ROBO2: variants seen among roughly 807,000 people sequenced by gnomAD.
ROBO2 encodes roundabout guidance receptor 2.
A neutral mutation model predicts 160.8 loss-of-function variants in ROBO2; 53 were observed. The observed-to-expected ratio is 0.33, with a 90% CI of 0.26 to 0.41. The LOEUF (loss-of-function observed/expected upper bound fraction) is 0.41. Ranked by LOEUF, ROBO2 falls within the 10% of genes least tolerant of loss-of-function variation. The probability of loss-of-function intolerance (pLI) is 1.00; values close to 1 mark genes in which losing one functional copy is unlikely to be tolerated. For missense variants in ROBO2, 1,577 were observed against 1,722.4 expected (o/e 0.92, Z 1.49); for synonymous variants, 664 against 611.7 (o/e 1.09, Z -1.26).
At chr3:76,563,553 T>C (rs1310331517) in intron 2 of ROBO2, among the ~76,000 whole-genome samples, 1 of 152,214 alleles carries the variant, frequency 6.6e-6, no homozygotes, top group African/African-American at 2.4e-5. Context: ...AAATAATTAG[T>C]TTGAATTCCC....
At position 75,917,107 on chromosome 3, in the gene ROBO2, A is replaced by G. The variant is rs144245977; in HGVS notation, c.-14+10147A>G. 5.2e-3 allele frequency among the ~76,000 whole-genome samples: 794 copies of G among 152,114 alleles called. 9 individuals carry two copies. The highest frequency in any genetic ancestry group is 0.019 in the African/African-American group (771 of 41,504). On this transcript the variant is annotated intron_variant, in intron 1 of 26. Transcript: ENST00000487694. ...ACATAGGTATACATGTACCATGGTA[A>G]TTTGCTGCACCTATCAACCCGTTAT...
intron 2 of ROBO2, among the ~76,000 whole-genome samples, chr3:77,281,892 C>T (rs1222538766): frequency 2.6e-5 from 4 of 152,122 alleles, no homozygotes; most frequent in East Asian, 3.9e-4. Context: ...AATCTAATGC[C>T]GCTGCTGATC....
chr3:76,206,244 T>G (rs1702800249), intron 2 of ROBO2, among the ~76,000 whole-genome samples: 1 of 150,958 alleles, frequency 6.6e-6, no homozygotes, highest in Admixed American at 6.7e-5. Context: ...TGCCTTACAT[T>G]ACTGTCTGAG....
chr3:76,685,131 T>C (rs929631514), intron 2 of ROBO2, among the ~76,000 whole-genome samples: 3 of 151,346 alleles, frequency 2.0e-5, no homozygotes, highest in African/African-American at 7.3e-5. Flanking sequence ...CTTGAAATCA[T>C]AGACCACCCA....
At chr3:77,118,959 A>G (rs2074469230) in intron 2 of ROBO2, among the ~76,000 whole-genome samples, 1 of 152,122 alleles carries the variant, frequency 6.6e-6, no homozygotes, top group African/African-American at 2.4e-5. Flanking sequence ...CCCAAATCTC[A>G]TCTTGAGTTG....
At chr3:77,444,813 G>A (rs1248681173) in intron 2 of ROBO2, among the ~76,000 whole-genome samples, 2 of 152,148 alleles carry the variant, frequency 1.3e-5, no homozygotes, top group Middle Eastern at 3.2e-3. Context: ...GAAAAGGGCA[G>A]GGATTTCATA....
chr3:76,768,160 T>C (rs1390815066), intron 2 of ROBO2, among the ~76,000 whole-genome samples: 1 of 151,470 alleles, frequency 6.6e-6, no homozygotes, highest in Non-Finnish European at 1.5e-5. Flanking sequence ...TGTTTATGTG[T>C]TTTTTTAATG....
intron 1 of ROBO2, among the ~76,000 whole-genome samples, chr3:77,048,490 G>A (rs1447894747): frequency 6.6e-6 from 1 of 152,166 alleles, no homozygotes; most frequent in East Asian, 1.9e-4. Context: ...CCATGCTTGT[G>A]TAAGCCTGCA....
At chr3:76,436,825 T>C (rs2076704677) in intron 2 of ROBO2, among the ~76,000 whole-genome samples, 1 of 152,156 alleles carries the variant, frequency 6.6e-6, no homozygotes, top group Non-Finnish European at 1.5e-5. Flanking sequence ...GGAAGGTAAC[T>C]TTAGCTTGAC....
chr3:77,105,693 T>G (rs2150134760), intron 2 of ROBO2, among the ~76,000 whole-genome samples: 1 of 152,336 alleles, frequency 6.6e-6, no homozygotes. Flanking sequence ...TTGATTGAAT[T>G]AACTGTATTC....
At chr3:76,045,884 T>A (rs184376309) in intron 2 of ROBO2, among the ~76,000 whole-genome samples, 1 of 152,096 alleles carries the variant, frequency 6.6e-6, no homozygotes, top group African/African-American at 2.4e-5. Flanking sequence ...TTATTTTTAT[T>A]TTTATTTTTT....
intron 2 of ROBO2, among the ~76,000 whole-genome samples, chr3:76,710,937 A>G (rs1274710805): frequency 1.3e-5 from 2 of 152,238 alleles, no homozygotes; most frequent in African/African-American, 4.8e-5. Context: ...TCATTTATCA[A>G]TAATCTTTTA....
chr3:77,428,916 GT>G (rs1346399292), intron 2 of ROBO2, among the ~76,000 whole-genome samples: 1 of 152,060 alleles, frequency 6.6e-6, no homozygotes, highest in African/African-American at 2.4e-5. Context: ...AACTCATAGA[GT>G]TTGAGTTTTT....
chr3:76,143,838 C>T (rs1250521921), intron 2 of ROBO2, among the ~76,000 whole-genome samples: 2 of 152,046 alleles, frequency 1.3e-5, no homozygotes, highest in African/African-American at 4.8e-5. Flanking sequence ...TGGTACAGTT[C>T]CCGTCTGAGT....
chr3:76,323,874 A>G (rs1197231610), intron 2 of ROBO2, among the ~76,000 whole-genome samples: 2 of 152,214 alleles, frequency 1.3e-5, no homozygotes, highest in African/African-American at 2.4e-5. Flanking sequence ...TTCACTCTAC[A>G]TTAAATACAC....
At chr3:76,533,671 G>A (rs2082343920) in intron 2 of ROBO2, among the ~76,000 whole-genome samples, 1 of 152,190 alleles carries the variant, frequency 6.6e-6, no homozygotes, top group East Asian at 1.9e-4. Context: ...AGTCCGAAAA[G>A]AGAGTCAGCA....
At position 77,291,581 on chromosome 3, in the gene ROBO2, G is replaced by C. The variant is rs1379133986; in HGVS notation, c.389-185833G>C. Among the ~76,000 whole-genome samples the C allele has an allele frequency of 2.0e-5, 3 of 148,958 alleles. No homozygotes were observed. The Admixed American group carries it at 2.0e-4, about 10-fold the overall frequency. The stretch of plus-strand genomic sequence containing the variant: ...AGTAAAATTGATGGTTAAACGGGAA[G>C]GTGAGGCTAGAGCAGTAAAGACATA... On this transcript the variant is annotated intron_variant, in intron 2 of 25. Coordinates refer to ENST00000461745, the Ensembl canonical transcript of ROBO2.
intron 2 of ROBO2, among the ~76,000 whole-genome samples, chr3:77,351,840 C>G (rs978682776): frequency 6.7e-6 from 1 of 149,742 alleles, no homozygotes; most frequent in Admixed American, 6.6e-5. Flanking sequence ...TTTGTCCTTG[C>G]GATAGGACAA....
At chr3:76,780,520 C>T (rs1025912164) in intron 2 of ROBO2, among the ~76,000 whole-genome samples, 1 of 150,600 alleles carries the variant, frequency 6.6e-6, no homozygotes, top group Non-Finnish European at 1.5e-5. Flanking sequence ...AGACCCATGT[C>T]GAGAAGGTTT....
Sources: gnomAD v4.1 joint callset for allele counts (sites outside exome capture counted in the v4.1 genomes callset) on GRCh38, gnomAD v4.1.1 for gene constraint, MANE v1.5 for transcripts, NCBI Gene and HGNC (gene_info 2026-07-23, HGNC 2026-07-21) for gene names.